Variants in FGF7 observed in about 807,000 individuals in gnomAD.
The protein encoded by FGF7 is FGF-7.
A neutral mutation model predicts 20.5 loss-of-function variants in FGF7; 6 were observed. The ratio of observed to expected loss-of-function variants is 0.29; its 90% CI spans 0.16 to 0.58. FGF7 has a LOEUF of 0.58. Ranked by LOEUF, FGF7 falls within the 20% of genes least tolerant of loss-of-function variation. The probability of loss-of-function intolerance (pLI) is 0.90; values close to 1 mark genes in which losing one functional copy is unlikely to be tolerated. For synonymous variants in FGF7, 64 were observed against 74.7 expected (o/e 0.86, Z 0.74); for missense variants, 144 against 228.8 (o/e 0.63, Z 2.39).
chr15:49,461,002 T>C (rs1567320724), intron 2 of FGF7, among the ~76,000 whole-genome samples: 1 of 152,182 alleles, frequency 6.6e-6, no homozygotes, highest in Non-Finnish European at 1.5e-5. Context: ...GAATGAGTGA[T>C]ATTCATCTTG....
intron 2 of FGF7, among the ~76,000 whole-genome samples, chr15:49,452,467 A>G (rs1432847292): frequency 6.6e-6 from 1 of 152,224 alleles, no homozygotes; most frequent in African/African-American, 2.4e-5. Flanking sequence ...TTTGGTAAAC[A>G]AATTAATAAG....
intron 2 of FGF7, among the ~76,000 whole-genome samples, chr15:49,448,862 A>C (rs1004325262): frequency 1.3e-5 from 2 of 151,838 alleles, no homozygotes; most frequent in African/African-American, 4.8e-5. Context: ...TTTCTTTAGC[A>C]GTCGATTCCA....
chr15:49,477,956 A>C (rs181680735), intron 2 of FGF7, among the ~76,000 whole-genome samples: 1 of 152,194 alleles, frequency 6.6e-6, no homozygotes, highest in African/African-American at 2.4e-5. Flanking sequence ...TTCAGGGGGT[A>C]CATGTGCAGG....
chr15:49,423,908 G>C (rs1449250642), intron 1 of FGF7, 124 bp from the exon 2 acceptor site: 1 of 162,410 alleles, frequency 6.2e-6, no homozygotes, highest in Non-Finnish European at 1.3e-5. Context: ...TGTTTTAAAT[G>C]TATCTTCAAA....
At position 49,487,531 on chromosome 15, in the gene FGF7, T is replaced by A. The variant is rs1477483063; in HGVS notation, c.*3027T>A. 1.3e-5 allele frequency: 2 copies of A among 151,828 alleles called. No homozygotes were observed. The highest frequency in any genetic ancestry group is 2.9e-5 in the Non-Finnish European group (2 of 67,880). 9.4% of individuals were successfully genotyped at this position (151,828 alleles called of 1,614,324 possible). On this transcript the variant is annotated 3_prime_UTR_variant, in exon 4 of 4. Transcript: ENST00000267843. ...GATGCTGGAGGTAAATTCTTAGGGT[T>A]TCTATCTCATAGAGTTTGCTCTTCT...
intron 2 of FGF7, among the ~76,000 whole-genome samples, chr15:49,476,462 T>A (rs2413957): frequency 0.32 from 49,258 of 151,640 alleles, 8,730 homozygotes; most frequent in African/African-American, 0.45. Flanking sequence ...GGTCTGTATA[T>A]CCAGTATTTG....
chr15:49,483,371 T>C (rs2056126058), intron 3 of FGF7, 117 bp downstream of exon 3: 1 of 604,572 alleles, frequency 1.7e-6, no homozygotes, highest in Admixed American at 2.9e-5. Flanking sequence ...ATTTAATGAT[T>C]TTATTAAAAC....
At chr15:49,463,164 C>T (rs1182999758) in intron 2 of FGF7, among the ~76,000 whole-genome samples, 13 of 152,240 alleles carry the variant, frequency 8.5e-5, no homozygotes, top group Non-Finnish European at 1.6e-4. Flanking sequence ...ACTACAATCT[C>T]TTCACTGGTC....
chr15:49,437,928 A>C (rs2051261187), intron 2 of FGF7, among the ~76,000 whole-genome samples: 1 of 151,664 alleles, frequency 6.6e-6, no homozygotes, highest in Non-Finnish European at 1.5e-5. Context: ...AATACTCTCA[A>C]AAAACATATT....
rs2056268717 is a variant in FGF7 at position 49,484,783 on chromosome 15, AT to A, written c.*286del. The A allele has an allele frequency of 3.8e-6, 1 of 260,840 alleles. No homozygotes were observed. Among genetic ancestry groups the A allele is most frequent in the Non-Finnish European group, 7.2e-6 (1 of 139,790 alleles). 16.2% of individuals were successfully genotyped at this position (260,840 alleles called of 1,614,324 possible). ...TACAATCATGATGTTAGTAACAGTAATTTTTTTCTTAAATTAATTTACCCTT... is the reference window on the plus strand; with the variant it reads ...TACAATCATGATGTTAGTAACAGTAATTTTTTCTTAAATTAATTTACCCTT... On this transcript the variant is annotated 3_prime_UTR_variant, in exon 4 of 4. Coordinates refer to ENST00000267843, the MANE Select transcript of FGF7 (RefSeq NM_002009.4).
intron 2 of FGF7, among the ~76,000 whole-genome samples, chr15:49,475,817 G>A (rs930212920): frequency 6.6e-6 from 1 of 151,972 alleles, no homozygotes; most frequent in African/African-American, 2.4e-5. Context: ...GCAAAACCGG[G>A]TCTCTACTAA....
At chr15:49,477,053 C>CT (rs1023200660) in intron 2 of FGF7, among the ~76,000 whole-genome samples, 2 of 139,434 alleles carry the variant, frequency 1.4e-5, no homozygotes, top group African/African-American at 5.7e-5. Flanking sequence ...AAGCGAGACT[C>CT]TGTCTCGAAA....
intron 2 of FGF7, among the ~76,000 whole-genome samples, chr15:49,431,935 GATA>G (rs2050657984): frequency 6.6e-6 from 1 of 151,606 alleles, no homozygotes; most frequent in Non-Finnish European, 1.5e-5. Context: ...AACAATTTCA[GATA>G]ATAATACAGA....
chr15:49,487,343 C>T lies in FGF7; in HGVS notation c.*2839C>T, dbSNP rs1415019875. The T allele has an allele frequency of 1.3e-5, 2 of 151,708 alleles. No homozygotes were observed. The highest frequency in any genetic ancestry group is 1.3e-4 in the Admixed American group (2 of 15,216). 9.4% of individuals were successfully genotyped at this position (151,708 alleles called of 1,614,324 possible). ...ACAATTAGAAAAGAAAAAATTAAAA[C>T]ATGAAATGATAACAAAAGTAAACAA... On this transcript the variant is annotated 3_prime_UTR_variant, in exon 4 of 4. Coordinates refer to ENST00000267843, the MANE Select transcript of FGF7 (RefSeq NM_002009.4).
intron 2 of FGF7, among the ~76,000 whole-genome samples, chr15:49,430,915 G>C (rs570252603): frequency 6.6e-6 from 1 of 151,838 alleles, no homozygotes; most frequent in African/African-American, 2.4e-5. Context: ...TCAGAGAAAA[G>C]ACATAAAGCT....
intron 2 of FGF7, among the ~76,000 whole-genome samples, chr15:49,444,477 G>C (rs1217856865): frequency 6.6e-6 from 1 of 151,694 alleles, no homozygotes; most frequent in Non-Finnish European, 1.5e-5. Flanking sequence ...AGTAGACAAA[G>C]AAATAACATT....
intron 2 of FGF7, among the ~76,000 whole-genome samples, chr15:49,449,870 A>C (rs1483647281): frequency 6.6e-6 from 1 of 152,148 alleles, no homozygotes; most frequent in Non-Finnish European, 1.5e-5. Flanking sequence ...AGATACTGTC[A>C]TCCTGTGAAT....
Position 49,424,379 on chromosome 15 carries a change from ATATCTT to A in FGF7, c.85_90del (p.Ser29_Leu30del), listed in dbSNP as rs1453774617. On this transcript the variant is annotated inframe_deletion, in exon 2 of 4. Coordinates refer to ENST00000267843, the MANE Select transcript of FGF7 (RefSeq NM_002009.4). Reference sequence around the variant, plus strand: ...TCACATTATCTGTCTAGTGGGTACTATATCTTTAGCTTGCAATGACATGACTCCAGA... The same window carrying A: ...TCACATTATCTGTCTAGTGGGTACTATAGCTTGCAATGACATGACTCCAGA... 5.0e-6 allele frequency: 8 copies of A among 1,613,690 alleles called. No homozygotes were observed. Among genetic ancestry groups the A allele is most frequent in the East Asian group, 2.2e-5 (1 of 44,848 alleles).
chr15:49,450,071 C>T (rs2052584705), intron 2 of FGF7, among the ~76,000 whole-genome samples: 1 of 152,054 alleles, frequency 6.6e-6, no homozygotes, highest in Non-Finnish European at 1.5e-5. Flanking sequence ...TGTATAAATC[C>T]ATAAGACTGA....
Sources: gnomAD v4.1 joint callset for allele counts (sites outside exome capture counted in the v4.1 genomes callset) on GRCh38, gnomAD v4.1.1 for gene constraint, MANE v1.5 for transcripts, NCBI Gene and HGNC (gene_info 2026-07-23, HGNC 2026-07-21) for gene names.